EBPL: variants seen among roughly 807,000 people sequenced by gnomAD.
EBPL encodes the protein emopamil-binding protein-like.
EBPL carries 20 observed loss-of-function variants against 19.0 expected under a neutral mutation model. The observed-to-expected ratio is 1.05, with a 90% CI of 0.74 to 1.53. The LOEUF is 1.53. Ranked by LOEUF, EBPL falls within the 40% of genes most tolerant of loss-of-function variation. EBPL has a pLI of 0.00. For synonymous variants in EBPL, 107 were observed against 117.0 expected (o/e 0.91, Z 0.55); for missense variants, 219 against 261.1 (o/e 0.84, Z 1.11).
chr13:49,661,746 T>G (rs1965151601), intron 3 of EBPL: 1 of 1,474,676 alleles, frequency 6.8e-7, no homozygotes, highest in Admixed American at 2.4e-5. Flanking sequence ...TACGTCAAGG[T>G]ACCAAGGAAA....
At chr13:49,683,902 T>G (rs1485360221) in intron 1 of EBPL, among the ~76,000 whole-genome samples, 2 of 152,194 alleles carry the variant, frequency 1.3e-5, no homozygotes, top group Non-Finnish European at 2.9e-5. Flanking sequence ...GCAGCATTAT[T>G]TGTAATAGTA....
At chr13:49,688,599 G>T (rs1426911230) in intron 1 of EBPL, among the ~76,000 whole-genome samples, 53 of 151,650 alleles carry the variant, frequency 3.5e-4, no homozygotes, top group South Asian at 2.1e-4. Flanking sequence ...GGTGCCTGTA[G>T]TCCCAGCTAC....
intron 1 of EBPL, among the ~76,000 whole-genome samples, chr13:49,683,063 T>C (rs1484653018): frequency 6.6e-6 from 1 of 151,984 alleles, no homozygotes; most frequent in Admixed American, 6.6e-5. Context: ...AACCTCCACC[T>C]CCCAGGTTCA....
Position 49,663,043 on chromosome 13 carries a change from A to C in EBPL, c.380+14T>G. Reference sequence around the variant, plus strand: ...TCTCCCCTCCTTCCAGCAGGACAGAAGAAGGGCACCTACCGGTAATATTTT... The same window carrying C: ...TCTCCCCTCCTTCCAGCAGGACAGACGAAGGGCACCTACCGGTAATATTTT... On this transcript the variant is annotated intron_variant, in intron 3 of 3. Coordinates refer to ENST00000242827, the MANE Select transcript of EBPL (RefSeq NM_032565.5). The C allele has an allele frequency of 6.2e-7, 1 of 1,613,258 alleles. No homozygotes were observed. The highest frequency in any genetic ancestry group is 1.1e-5 in the South Asian group (1 of 91,026).
chr13:49,682,114 C>A (rs964079670), intron 1 of EBPL, among the ~76,000 whole-genome samples: 1 of 152,162 alleles, frequency 6.6e-6, no homozygotes, highest in Non-Finnish European at 1.5e-5. Context: ...CCAGCTGCTG[C>A]CCGCTTAATT....
chr13:49,671,521 T>C (rs1375634076), intron 1 of EBPL, among the ~76,000 whole-genome samples: 1 of 152,210 alleles, frequency 6.6e-6, no homozygotes, highest in East Asian at 1.9e-4. Context: ...TACTCCCCAG[T>C]CCACTTACTT....
intron 2 of EBPL, among the ~76,000 whole-genome samples, chr13:49,663,859 A>G (rs1333077838): frequency 6.6e-6 from 1 of 151,560 alleles, no homozygotes; most frequent in Non-Finnish European, 1.5e-5. Flanking sequence ...CAGGAGGCGG[A>G]GCTTGCAGTG....
chr13:49,691,322 C>T lies in EBPL; in HGVS notation c.103G>A (p.Gly35Arg), dbSNP rs774169871. ...GCCCCGCGGTCCGCCGCCCCCTGCCCGCGGCCCAGGCGCAGGCCCAGGGCG... is the reference window on the plus strand; with the variant it reads ...GCCCCGCGGTCCGCCGCCCCCTGCCTGCGGCCCAGGCGCAGGCCCAGGGCG... ...GCALGLRLGR[G>R]QGAADRGALI... The change falls in exon 1 of 4, where the codon GGG becomes AGG. Residue 35 changes from glycine (G) to arginine (R), a missense_variant. Physicochemically the swap from Gly to Arg is moderately radical, Grantham distance 125. Coordinates refer to ENST00000242827, the MANE Select transcript of EBPL (RefSeq NM_032565.5). 43 of 1,363,546 alleles carry T rather than the reference C, an allele frequency of 3.2e-5. No homozygotes were observed. Among genetic ancestry groups the T allele is most frequent in the Non-Finnish European group, 3.7e-5 (39 of 1,054,648 alleles). The allele number at this position is 1,363,546 out of a possible 1,614,324, so 84.5% of individuals were successfully genotyped here. A position where few individuals can be genotyped will look rare whatever the true frequency, so the allele number is the denominator to read the frequency against.
intron 1 of EBPL, among the ~76,000 whole-genome samples, chr13:49,685,774 G>A (rs143079474): frequency 0.011 from 1,601 of 152,196 alleles, 15 homozygotes; most frequent in Non-Finnish European, 0.017. Flanking sequence ...TCGGGAGGCT[G>A]AAGCAGAAGA....
intron 2 of EBPL, among the ~76,000 whole-genome samples, chr13:49,664,408 C>A (rs866414340): frequency 2.0e-5 from 3 of 152,268 alleles, no homozygotes; most frequent in Non-Finnish European, 1.5e-5. Flanking sequence ...ATGGCTCTCA[C>A]ACAGTCTCAG....
intron 1 of EBPL, among the ~76,000 whole-genome samples, chr13:49,674,542 CAG>C (rs1335222148): frequency 6.7e-6 from 1 of 148,158 alleles, no homozygotes; most frequent in Non-Finnish European, 1.5e-5. Context: ...ATTAAAGAAA[CAG>C]AGAAAGACAT....
At chr13:49,689,105 T>A (rs1372850201) in intron 1 of EBPL, among the ~76,000 whole-genome samples, 1 of 152,196 alleles carries the variant, frequency 6.6e-6, no homozygotes, top group East Asian at 1.9e-4. Context: ...AGTAGTTACA[T>A]GATGTAGTTG....
intron 1 of EBPL, among the ~76,000 whole-genome samples, chr13:49,688,629 G>C (rs1954025864): frequency 6.7e-6 from 1 of 149,454 alleles, no homozygotes. Context: ...TGAGGCAGGA[G>C]AATGGCGTGA....
At chr13:49,677,229 C>T (rs74077705) in intron 1 of EBPL, among the ~76,000 whole-genome samples, 1,569 of 152,286 alleles carry the variant, frequency 0.01, 26 homozygotes, top group African/African-American at 0.036. Flanking sequence ...CTCCCTGATT[C>T]TTCCCTGAAA....
At chr13:49,669,927 G>T (rs1953793357) in intron 1 of EBPL, 81 bp from the exon 2 acceptor site, 1 of 1,087,332 alleles carries the variant, frequency 9.2e-7, no homozygotes, top group Non-Finnish European at 1.4e-6. Context: ...GCATTGCCTG[G>T]CTCCATCCCC....
chr13:49,666,203 C>CT (rs1168971996), intron 2 of EBPL, among the ~76,000 whole-genome samples: 1 of 152,184 alleles, frequency 6.6e-6, no homozygotes. Flanking sequence ...ATGTGATTGG[C>CT]TTGTCTGGAT....
intron 3 of EBPL, 74 bp downstream of exon 3, chr13:49,662,983 C>A: frequency 6.3e-7 from 1 of 1,579,890 alleles, no homozygotes; most frequent in Non-Finnish European, 8.6e-7. Flanking sequence ...TCACAACCTA[C>A]TCCAAAGGTC....
At chr13:49,673,082 A>G (rs1446145253) in intron 1 of EBPL, among the ~76,000 whole-genome samples, 1 of 152,150 alleles carries the variant, frequency 6.6e-6, no homozygotes, top group Non-Finnish European at 1.5e-5. Flanking sequence ...AGGAAAGGAA[A>G]GGAAAAGAAA....
intron 1 of EBPL, among the ~76,000 whole-genome samples, chr13:49,688,354 T>G (rs1314700566): frequency 1.3e-5 from 2 of 152,138 alleles, no homozygotes; most frequent in Non-Finnish European, 2.9e-5. Context: ...ATGCTTGGCT[T>G]GAAACTGTCC....
Sources: gnomAD v4.1 joint callset for allele counts (sites outside exome capture counted in the v4.1 genomes callset) on GRCh38, gnomAD v4.1.1 for gene constraint, MANE v1.5 for transcripts, NCBI Gene and HGNC (gene_info 2026-07-23, HGNC 2026-07-21) for gene names.